The following MAP1B variants were observed in gnomAD, a reference collection of about 807,000 sequenced individuals.
The protein encoded by MAP1B is microtubule associated protein 1B.
In MAP1B, 12 loss-of-function variants were observed where a neutral mutation model predicts 176.1. The observed-to-expected ratio is 0.07, with a 90% CI of 0.04 to 0.11. The LOEUF is 0.11. Among genes scored for constraint, MAP1B ranks in the 10% least tolerant of loss-of-function variants. MAP1B has a pLI of 1.00. For missense variants in MAP1B, 2,523 were observed against 2,990.5 expected (o/e 0.84, Z 3.65); for synonymous variants, 1,044 against 1,135.0 (o/e 0.92, Z 1.61).
chr5:72,190,844 A>G (rs1747011388), intron 4 of MAP1B, among the ~76,000 whole-genome samples: 1 of 152,232 alleles, frequency 6.6e-6, no homozygotes, highest in African/African-American at 2.4e-5. Context: ...TCAGCCAAGC[A>G]AGTAACCTAA....
chr5:72,163,227 C>CAAAAAAAAAAA (rs10608907), intron 2 of MAP1B, among the ~76,000 whole-genome samples: 2 of 78,148 alleles, frequency 2.6e-5, no homozygotes, highest in Non-Finnish European at 4.9e-5. Context: ...GACTCCATCT[C>CAAAAAAAAAAA]AAAAAAAAAA....
chr5:72,116,091 C>A (rs1745433083), intron 2 of MAP1B: 2 of 333,800 alleles, frequency 6.0e-6, no homozygotes, highest in South Asian at 2.9e-5. Context: ...GAATTGATAT[C>A]CAGGGCTTGA....
intron 2 of MAP1B, among the ~76,000 whole-genome samples, chr5:72,177,339 C>T (rs566693825): frequency 6.0e-5 from 9 of 148,838 alleles, no homozygotes; most frequent in African/African-American, 2.4e-4. Flanking sequence ...TCTTTCTCTT[C>T]CTCTCTGTTT....
intron 2 of MAP1B, chr5:72,116,328 A>C: frequency 3.3e-6 from 1 of 303,880 alleles, no homozygotes; most frequent in Non-Finnish European, 6.4e-6. Flanking sequence ...TCATAATTGC[A>C]TTATCACCCG....
At position 72,207,636 on chromosome 5, in the gene MAP1B, A is replaced by G. The variant is rs1747479705; in HGVS notation, c.*2397A>G. ...GGAAAAGTCATTGTGACGCCAATGA[A>G]TTTCATTGAGTATAAACTCATCTAC... On this transcript the variant is annotated 3_prime_UTR_variant, in exon 7 of 7. Coordinates refer to ENST00000296755, the MANE Select transcript of MAP1B (RefSeq NM_005909.5). The G allele has an allele frequency of 2.0e-5, 3 of 152,344 alleles. No homozygotes were observed. The highest frequency in any genetic ancestry group is 1.3e-4 in the Admixed American group (2 of 15,304). The allele number at this position is 152,344 out of a possible 1,614,324, so 9.4% of individuals were successfully genotyped here.
chr5:72,136,780 C>T (rs1745844666), intron 2 of MAP1B, among the ~76,000 whole-genome samples: 1 of 152,168 alleles, frequency 6.6e-6, no homozygotes, highest in African/African-American at 2.4e-5. Flanking sequence ...ATTTTGACTA[C>T]TGACCCCAAG....
At chr5:72,167,770 A>G (rs1746458438) in intron 2 of MAP1B, among the ~76,000 whole-genome samples, 2 of 152,078 alleles carry the variant, frequency 1.3e-5, no homozygotes, top group African/African-American at 4.8e-5. Flanking sequence ...TCTTTCCCCC[A>G]GTAACCCTTC....
chr5:72,118,030 G>A (rs1020768723), intron 2 of MAP1B, among the ~76,000 whole-genome samples: 3 of 152,206 alleles, frequency 2.0e-5, no homozygotes, highest in Non-Finnish European at 4.4e-5. Flanking sequence ...GAAGCCTTTA[G>A]CTTTTCCTGA....
intron 2 of MAP1B, among the ~76,000 whole-genome samples, chr5:72,133,097 A>G (rs541105518): frequency 6.6e-6 from 1 of 152,318 alleles, no homozygotes; most frequent in African/African-American, 2.4e-5. Context: ...CTGGCGTGGG[A>G]TGCTAGCCTG....
At chr5:72,123,929 C>T (rs80151586) in intron 2 of MAP1B, among the ~76,000 whole-genome samples, 1,888 of 152,248 alleles carry the variant, frequency 0.012, 45 homozygotes, top group African/African-American at 0.043. Context: ...CCCTGCCCAG[C>T]GTGAGAGTTC....
At chr5:72,162,815 G>A (rs1324608634) in intron 2 of MAP1B, among the ~76,000 whole-genome samples, 2 of 152,208 alleles carry the variant, frequency 1.3e-5, no homozygotes, top group Non-Finnish European at 2.9e-5. Flanking sequence ...TTCCAGCACA[G>A]TGAGTGTTGC....
chr5:72,166,593 C>A (rs531198515), intron 2 of MAP1B, among the ~76,000 whole-genome samples: 1 of 152,168 alleles, frequency 6.6e-6, no homozygotes, highest in Non-Finnish European at 1.5e-5. Flanking sequence ...CTCCCTTTAG[C>A]CCTTTTTTTG....
intron 2 of MAP1B, among the ~76,000 whole-genome samples, chr5:72,122,772 T>C (rs1579983334): frequency 1.3e-5 from 2 of 150,456 alleles, no homozygotes; most frequent in African/African-American, 5.0e-5. Flanking sequence ...TAGCAGAAAA[T>C]GGGCTGCCTG....
At chr5:72,145,976 C>T (rs1324373808) in intron 2 of MAP1B, among the ~76,000 whole-genome samples, 1 of 152,182 alleles carries the variant, frequency 6.6e-6, no homozygotes, top group Non-Finnish European at 1.5e-5. Flanking sequence ...CCCAGGATGG[C>T]TCAAGTTGGA....
chr5:72,148,067 G>A (rs1383642171), intron 2 of MAP1B, among the ~76,000 whole-genome samples: 1 of 152,164 alleles, frequency 6.6e-6, no homozygotes, highest in Non-Finnish European at 1.5e-5. Flanking sequence ...TCAGTTTATA[G>A]CCAATTATCT....
Position 72,198,579 on chromosome 5 carries a change from G to A in MAP1B, c.5224G>A (p.Ala1742Thr), listed in dbSNP as rs568428215. 3.2e-5 allele frequency: 52 copies of A among 1,613,884 alleles called. No homozygotes were observed. Among genetic ancestry groups the A allele is most frequent in the East Asian group, 1.6e-4 (7 of 44,862 alleles). Residue 1742 changes from alanine to threonine, a missense_variant, in exon 5 of 7, where the codon GCT (alanine) becomes ACT (threonine). Coordinates refer to ENST00000296755, the MANE Select transcript of MAP1B (RefSeq NM_005909.5). ...TSSAHTPSQI[A>T]SPLQEDTLSD... is the part of the protein sequence containing the mutation. ...TTCTGCTCATACCCCTTCTCAGATC[G>A]CTTCTCCTCTCCAAGAAGATACTCT...
In MAP1B at chr5:72,199,401, A is replaced by G; in HGVS notation, c.6046A>G (p.Ser2016Gly). 1 of 1,614,144 alleles carries G rather than the reference A, an allele frequency of 6.2e-7. No homozygotes were observed. Among genetic ancestry groups the G allele is most frequent in the Non-Finnish European group, 8.5e-7 (1 of 1,180,016 alleles). ...TTATGAAACCACTGAGAAAATTACC[A>G]GTTTCCCTGAGTCTGAAGGTTATTC... ...YSYETTEKIT[S>G]FPESEGYSYE... is the part of the protein sequence containing the mutation. The change falls in exon 5 of 7, where the codon AGT becomes GGT. Residue 2016 changes from serine to glycine, a missense_variant. Physicochemically the swap from Ser to Gly is moderately conservative, Grantham distance 56 (BLOSUM62 0). This residue lies in a region of MAP1B where 1,925 missense variants were observed against 2,126.0 expected (regional missense o/e 0.91). Transcript: ENST00000296755. This position sits in a 1 kb window ranked among gnomAD's most constrained non-coding sequence, Gnocchi z 4.2.
chr5:72,168,483 C>T (rs549049599), intron 2 of MAP1B, among the ~76,000 whole-genome samples: 1 of 152,246 alleles, frequency 6.6e-6, no homozygotes, highest in East Asian at 1.9e-4. Flanking sequence ...TGCATATATT[C>T]CAAGTGTATA....
chr5:72,118,303 A>G (rs890703053), intron 2 of MAP1B, among the ~76,000 whole-genome samples: 5 of 151,822 alleles, frequency 3.3e-5, no homozygotes. Flanking sequence ...ATGCCACCAC[A>G]CCTGCCTAAT....
Sources: allele counts gnomAD v4.1 joint callset (sites outside exome capture counted in the v4.1 genomes callset), GRCh38; gene constraint gnomAD v4.1.1; regional missense constraint gnomAD v4.1.1; non-coding constraint Gnocchi (gnomAD v3.1); transcripts MANE v1.5; gene names NCBI Gene and HGNC (gene_info 2026-07-23, HGNC 2026-07-21).